SLC4A4: variants seen among roughly 807,000 people sequenced by gnomAD.
SLC4A4 encodes the protein electrogenic sodium bicarbonate cotransporter 1.
SLC4A4 carries 27 observed loss-of-function variants against 111.5 expected under a neutral mutation model. The ratio of observed to expected loss-of-function variants is 0.24; its 90% CI spans 0.18 to 0.33. The LOEUF is 0.33. Ranked by LOEUF, SLC4A4 falls within the 10% of genes least tolerant of loss-of-function variation. SLC4A4 has a pLI of 1.00. For synonymous variants in SLC4A4, 443 were observed against 463.4 expected (o/e 0.96, Z 0.57); for missense variants, 909 against 1,315.5 (o/e 0.69, Z 4.78).
At chr4:71,377,760 C>T (rs1020250129) in intron 6 of SLC4A4, among the ~76,000 whole-genome samples, 13 of 152,228 alleles carry the variant, frequency 8.5e-5, no homozygotes, top group African/African-American at 2.2e-4. Context: ...CAAGCTGCCT[C>T]GTAAAGTTCT....
chr4:71,236,153 T>C (rs1719786743), intron 1 of SLC4A4: 6 of 1,051,210 alleles, frequency 5.7e-6, no homozygotes, highest in Non-Finnish European at 6.9e-6. Flanking sequence ...CAGTGGGTGT[T>C]TAAAGAGCTA....
At chr4:71,311,148 C>G (rs1410983242) in intron 3 of SLC4A4, among the ~76,000 whole-genome samples, 4 of 152,152 alleles carry the variant, frequency 2.6e-5, no homozygotes, top group Admixed American at 2.6e-4. Context: ...AGCTAACTAT[C>G]CTAAATATAT....
chr4:71,244,645 C>G (rs772004143), intron 2 of SLC4A4, among the ~76,000 whole-genome samples: 2 of 152,180 alleles, frequency 1.3e-5, no homozygotes, highest in Non-Finnish European at 2.9e-5. Context: ...CACTTTCTCA[C>G]CAGTGGTTGC....
chr4:71,171,104 T>C (rs1744920496), intron 2 of SLC4A4, among the ~76,000 whole-genome samples: 2 of 152,130 alleles, frequency 1.3e-5, no homozygotes, highest in Admixed American at 1.3e-4. Context: ...ATGGATTTCA[T>C]TCAACAGTTG....
chr4:71,359,471 A>G (rs897871436), intron 6 of SLC4A4, among the ~76,000 whole-genome samples: 1 of 152,200 alleles, frequency 6.6e-6, no homozygotes, highest in Non-Finnish European at 1.5e-5. Context: ...TGAATTTTGT[A>G]TGCCTTCAAG....
chr4:71,276,200 TA>T (rs1723055262), intron 3 of SLC4A4, among the ~76,000 whole-genome samples: 1 of 152,230 alleles, frequency 6.6e-6, no homozygotes, highest in Non-Finnish European at 1.5e-5. Flanking sequence ...TGAGAGATAG[TA>T]CAGAAAGGTC....
chr4:71,076,729 A>G (rs1175829142), intron 1 of SLC4A4, among the ~76,000 whole-genome samples: 1 of 152,064 alleles, frequency 6.6e-6, no homozygotes, highest in African/African-American at 2.4e-5. Flanking sequence ...AGTGGCTGAC[A>G]CCTGTAATCC....
chr4:71,232,007 T>C lies in SLC4A4; in HGVS notation c.-1-4569T>C, dbSNP rs558666794. ...AAAGGTGCTGAATTCCTGTATTTTG[T>C]GCAGAAGCCTAGGTGCACCAGGCTG... On this transcript the variant is annotated intron_variant, in intron 1 of 25. Coordinates refer to ENST00000264485, the MANE Select transcript of SLC4A4 (RefSeq NM_001098484.3). 1.1e-3 allele frequency among the ~76,000 whole-genome samples: 167 copies of C among 152,332 alleles called. 3 individuals are homozygous for C. The South Asian group carries it at 0.033, about 30-fold the overall frequency.
chr4:71,342,763 C>T (rs1728996980), intron 4 of SLC4A4, among the ~76,000 whole-genome samples: 1 of 151,932 alleles, frequency 6.6e-6, no homozygotes, highest in African/African-American at 2.4e-5. Context: ...ATAGGTAATT[C>T]AACATTGAAT....
chr4:71,539,007 G>T (rs146298096), intron 18 of SLC4A4, among the ~76,000 whole-genome samples: 1 of 152,186 alleles, frequency 6.6e-6, no homozygotes, highest in East Asian at 1.9e-4. Flanking sequence ...TAGATTGGGG[G>T]TAGGAGGGAG....
chr4:71,332,999 T>C (rs1412430774), intron 3 of SLC4A4, among the ~76,000 whole-genome samples: 3 of 152,260 alleles, frequency 2.0e-5, no homozygotes, highest in African/African-American at 4.8e-5. Context: ...ATGTCTCTGT[T>C]ACTTGGGATT....
At chr4:71,509,640 C>T (rs1292482647) in intron 16 of SLC4A4, among the ~76,000 whole-genome samples, 1 of 152,090 alleles carries the variant, frequency 6.6e-6, no homozygotes, top group African/African-American at 2.4e-5. Context: ...AACATTTGTG[C>T]ATGATGGGTC....
intron 7 of SLC4A4, among the ~76,000 whole-genome samples, chr4:71,425,669 C>G (rs1339668747): frequency 6.6e-6 from 1 of 152,008 alleles, no homozygotes; most frequent in Non-Finnish European, 1.5e-5. Context: ...GTCCAGAAAG[C>G]AAGGAAAACT....
chr4:71,470,226 A>G (rs1012225522), intron 13 of SLC4A4, among the ~76,000 whole-genome samples: 7 of 152,006 alleles, frequency 4.6e-5, no homozygotes, highest in Admixed American at 3.9e-4. Flanking sequence ...ATAGGCATGC[A>G]TAGGATGAAA....
chr4:71,091,041 G>C lies in SLC4A4; in HGVS notation c.-64-1689G>C, dbSNP rs535292498. Among the ~76,000 whole-genome samples, 6 of 152,266 alleles carry C rather than the reference G, an allele frequency of 3.9e-5. No homozygotes were observed. The South Asian group carries it at 1.2e-3, about 32-fold the overall frequency. ...CAGCTGCCTGTAACCTCTGCCTCCT[G>C]AGTTCAAGTGATTCTCCTGCCTCAG... On this transcript the variant is annotated intron_variant, in intron 1 of 26. Transcript: ENST00000649996.
chr4:71,396,183 T>TTGAATAATGCTC (rs1254489974), intron 6 of SLC4A4, among the ~76,000 whole-genome samples: 1 of 152,192 alleles, frequency 6.6e-6, no homozygotes, highest in African/African-American at 2.4e-5. Flanking sequence ...TTATTTTCCT[T>TTGAATAATGCTC]TGAATAATGC....
intron 7 of SLC4A4, among the ~76,000 whole-genome samples, chr4:71,422,675 G>A (rs1379249109): frequency 1.3e-5 from 2 of 151,458 alleles, no homozygotes; most frequent in Admixed American, 6.6e-5. Context: ...ATGCATGGCT[G>A]GTTCAATATA....
intron 2 of SLC4A4, among the ~76,000 whole-genome samples, chr4:71,240,983 G>T (rs542661705): frequency 6.6e-6 from 1 of 151,922 alleles, no homozygotes; most frequent in Admixed American, 6.6e-5. Context: ...ATAGCTGGGT[G>T]TTGTGCATGC....
chr4:71,085,623 T>G (rs186266908), intron 1 of SLC4A4, among the ~76,000 whole-genome samples: 34,197 of 151,930 alleles, frequency 0.23, 3,997 homozygotes, highest in South Asian at 0.24. Flanking sequence ...TTTCTACATA[T>G]GGCTAGCCAG....
Sources: gnomAD v4.1 joint callset for allele counts (sites outside exome capture counted in the v4.1 genomes callset) on GRCh38, gnomAD v4.1.1 for gene constraint, MANE v1.5 for transcripts, NCBI Gene and HGNC (gene_info 2026-07-23, HGNC 2026-07-21) for gene names.